RHBDF2: variants seen among roughly 807,000 people sequenced by gnomAD.
RHBDF2 encodes rhomboid 5 homolog 2, also known as inactive rhomboid protein 2.
A neutral mutation model predicts 95.2 loss-of-function variants in RHBDF2; 38 were observed. The observed-to-expected ratio is 0.40, with a 90% CI of 0.31 to 0.52. RHBDF2 has a LOEUF of 0.52. RHBDF2 is among the 20% of genes least tolerant of loss of function. The pLI is 0.56. For synonymous variants in RHBDF2, 442 were observed against 462.0 expected, an observed-to-expected ratio of 0.96 and a Z score of 0.55; for missense variants, 863 against 1,137.7, an observed-to-expected ratio of 0.76 and a Z score of 3.47.
chr17:76,494,991 G>C (rs1024372684), intron 1 of RHBDF2, among the ~76,000 whole-genome samples: 1 of 151,182 alleles, frequency 6.6e-6, no homozygotes, highest in Non-Finnish European at 1.5e-5. Context: ...GCCCCTGGGG[G>C]CCAAAAGGCC....
At chr17:76,472,269 G>A (rs1418236747) in intron 18 of RHBDF2, 1 of 604,544 alleles carries the variant, frequency 1.7e-6, no homozygotes, top group Non-Finnish European at 2.9e-6. Flanking sequence ...TACGTGCCTG[G>A]TGTGGGTCCG....
intron 3 of RHBDF2, 151 bp downstream of exon 3, chr17:76,481,224 G>A (rs2073953136): frequency 1.2e-6 from 1 of 838,514 alleles, no homozygotes; most frequent in Admixed American, 2.7e-5. Flanking sequence ...GGCCCAGGAA[G>A]GAGGGGGTAG....
At chr17:76,492,411 G>T (rs975870432) in intron 1 of RHBDF2, among the ~76,000 whole-genome samples, 2 of 152,178 alleles carry the variant, frequency 1.3e-5, no homozygotes, top group Admixed American at 1.3e-4. Context: ...GCTGCCCAGA[G>T]AATCTGGTTT....
At position 76,479,815 on chromosome 17, in the gene RHBDF2, C is replaced by T; in HGVS notation, c.190G>A (p.Glu64Lys). 6.2e-7 allele frequency: 1 copy of T among 1,612,966 alleles called. No individual in the cohort carries two copies. Among genetic ancestry groups the T allele is most frequent in the East Asian group, 2.2e-5 (1 of 44,790 alleles). ...PAYLKSVSLQ[E>K]PRSRWQESSE... ...CTCTCCTGCCATCGGCTGCGTGGCTCCTGGAGGCTGACGCTCTTCAAGTAG... is the reference window on the plus strand; with the variant it reads ...CTCTCCTGCCATCGGCTGCGTGGCTTCTGGAGGCTGACGCTCTTCAAGTAG... The change falls in exon 4 of 19, where the codon GAG (glutamate) becomes AAG (lysine). Residue 64 changes from glutamate to lysine, a missense_variant. Around this residue, in one of 2 missense-constraint regions of RHBDF2, gnomAD observed 611 missense variants for 725.5 expected, o/e 0.84. Transcript: ENST00000675367.
chr17:76,496,759 T>C (rs2074434454), intron 1 of RHBDF2, among the ~76,000 whole-genome samples: 1 of 151,530 alleles, frequency 6.6e-6, no homozygotes. Flanking sequence ...CCAGATCTCT[T>C]TTTTTTTTCT....
chr17:76,492,685 T>C lies in RHBDF2; in HGVS notation c.-219-4776A>G, dbSNP rs990759958. Among the ~76,000 whole-genome samples the C allele has an allele frequency of 2.0e-5, 3 of 152,220 alleles. No individual in the cohort carries two copies. In the East Asian group the frequency reaches 5.8e-4, roughly 29 times the overall value. On this transcript the variant is annotated intron_variant, in intron 1 of 18. Coordinates refer to ENST00000675367, the MANE Select transcript of RHBDF2 (RefSeq NM_001005498.4). ...CACTCCCCACCCCCACACAAGTGGG[T>C]TTCTAGAAGCTCTGAGTCTTGCTAA...
At chr17:76,479,419 G>A (rs574354075) in intron 4 of RHBDF2, 142 bp from the exon 5 acceptor site, 86 of 1,219,466 alleles carry the variant, frequency 7.1e-5, no homozygotes, top group Non-Finnish European at 9.1e-5. Flanking sequence ...CCCCTGGCTG[G>A]AGCCCAGTGA....
Position 76,497,002 on chromosome 17 carries a change from C to A in RHBDF2, c.-220+4351G>T, listed in dbSNP as rs542441223. 3.3e-4 allele frequency among the ~76,000 whole-genome samples: 50 copies of A among 152,298 alleles called. 1 individual carries two copies. The South Asian group carries it at 9.3e-3, about 28-fold the overall frequency. On this transcript the variant is annotated intron_variant, in intron 1 of 18. Coordinates refer to ENST00000675367, the MANE Select transcript of RHBDF2 (RefSeq NM_001005498.4). ...TGGTCCCGATCTCCTGACCTTGTGA[C>A]TGCCTGCTTCAGCCTCCCAAAGTGC...
At position 76,477,255 on chromosome 17, in the gene RHBDF2, G is replaced by C. The variant is rs750059653; in HGVS notation, c.845C>G (p.Pro282Arg). Residue 282 changes from proline (P) to arginine (R), a missense_variant, in exon 8 of 19, where the codon CCA becomes CGA. Coordinates refer to ENST00000675367, the MANE Select transcript of RHBDF2 (RefSeq NM_001005498.4). ...SMPDDVFESP[P>R]LSASYFRGIP... Reference sequence around the variant, plus strand: ...CCCTCGGAAGTAGCTGGCAGAGAGTGGGGGGGACTCAAAGACATCATCAGG... The same window carrying C: ...CCCTCGGAAGTAGCTGGCAGAGAGTCGGGGGGACTCAAAGACATCATCAGG... The C allele has an allele frequency of 4.4e-6, 7 of 1,606,590 alleles. No homozygotes were observed. Among genetic ancestry groups the C allele is most frequent in the South Asian group, 2.2e-5 (2 of 90,100 alleles).
chr17:76,480,007 ATGTGTG>A lies in RHBDF2; in HGVS notation c.151-159_151-154del, dbSNP rs138608987. On this transcript the variant is annotated intron_variant, in intron 3 of 18. Coordinates refer to ENST00000675367, the MANE Select transcript of RHBDF2 (RefSeq NM_001005498.4). ...TTTCATTTGGAAATATATATATATA[ATGTGTG>A]TGTGTGTGTGTGTGTGTGTGTGTGT... The A allele has an allele frequency of 5.6e-3, 1,724 of 307,212 alleles. 27 individuals carry two copies. Among genetic ancestry groups the A allele is most frequent in the African/African-American group, 0.043 (1,271 of 29,520 alleles). The allele number at this position is 307,212 out of a possible 1,614,324, so 19.0% of individuals were successfully genotyped here. A position where few individuals can be genotyped will look rare whatever the true frequency, so the allele number is the denominator to read the frequency against.
intron 4 of RHBDF2, 97 bp from the exon 5 acceptor site, chr17:76,479,374 C>G: frequency 6.6e-7 from 1 of 1,515,736 alleles, no homozygotes; most frequent in Non-Finnish European, 8.9e-7. Flanking sequence ...GCCCGCGTGC[C>G]TACAGGGAGG....
chr17:76,490,433 C>T (rs920648957), intron 1 of RHBDF2, among the ~76,000 whole-genome samples: 1 of 152,168 alleles, frequency 6.6e-6, no homozygotes, highest in Non-Finnish European at 1.5e-5. Flanking sequence ...TAAGCCTGCT[C>T]TGGGGACAGC....
chr17:76,485,512 G>T (rs188022333), intron 2 of RHBDF2, among the ~76,000 whole-genome samples: 2 of 151,448 alleles, frequency 1.3e-5, no homozygotes, highest in East Asian at 3.9e-4. Context: ...AACCCAGGAC[G>T]GGGGGTGTGG....
intron 9 of RHBDF2, 169 bp downstream of exon 9, chr17:76,476,661 T>C (rs1295711280): frequency 1.6e-5 from 16 of 1,020,340 alleles, no homozygotes; most frequent in Middle Eastern, 3.2e-4. Flanking sequence ...TCCCAGGTCA[T>C]GTGCACAACC....
In RHBDF2 at chr17:76,486,283, T is replaced by C. The variant is rs545249146; in HGVS notation, c.-22+1429A>G. 2.3e-4 allele frequency among the ~76,000 whole-genome samples: 35 copies of C among 152,308 alleles called. No individual in the cohort carries two copies. The East Asian group carries it at 5.0e-3, about 22-fold the overall frequency. On this transcript the variant is annotated intron_variant, in intron 2 of 18. Coordinates refer to ENST00000675367, the MANE Select transcript of RHBDF2 (RefSeq NM_001005498.4). ...AGCCACCATGCCTGGGTAATGTTTG[T>C]ATCTTTAGTAGAGATGGGGTTTCAC...
chr17:76,480,883 C>G (rs549475601), intron 3 of RHBDF2, among the ~76,000 whole-genome samples: 1 of 152,194 alleles, frequency 6.6e-6, no homozygotes, highest in Non-Finnish European at 1.5e-5. Flanking sequence ...AGGAAGCCCA[C>G]GCTGCCACAA....
intron 1 of RHBDF2, among the ~76,000 whole-genome samples, chr17:76,491,773 T>C (rs910547021): frequency 1.3e-5 from 2 of 152,190 alleles, no homozygotes; most frequent in African/African-American, 4.8e-5. Flanking sequence ...AGCCCCTTCC[T>C]TGGGGCTCAG....
intron 1 of RHBDF2, among the ~76,000 whole-genome samples, chr17:76,490,974 T>C (rs79444682): frequency 0.021 from 3,210 of 152,136 alleles, 96 homozygotes; most frequent in South Asian, 0.13. Context: ...CCCTCATCAA[T>C]GGCTAACTGA....
At chr17:76,475,560 A>C (rs1598657313) in intron 9 of RHBDF2, among the ~76,000 whole-genome samples, 1 of 145,626 alleles carries the variant, frequency 6.9e-6, no homozygotes, top group African/African-American at 2.5e-5. Flanking sequence ...CACCCACCAC[A>C]CCTATCATTG....
Sources: allele counts gnomAD v4.1 joint callset (sites outside exome capture counted in the v4.1 genomes callset), GRCh38; gene constraint gnomAD v4.1.1; regional missense constraint gnomAD v4.1.1; transcripts MANE v1.5; gene names NCBI Gene and HGNC (gene_info 2026-07-23, HGNC 2026-07-21).